Variants in GRK3 observed in about 807,000 individuals in gnomAD.
The protein encoded by GRK3 is G protein-coupled receptor kinase 3, also known as adrenergic, beta, receptor kinase 2.
Under a neutral mutation model 95.7 loss-of-function variants are expected in GRK3, and 54 were observed. The ratio of observed to expected loss-of-function variants is 0.56; its 90% confidence interval spans 0.45 to 0.71. GRK3 has a LOEUF of 0.71. Ranked by LOEUF, GRK3 falls within the 30% of genes least tolerant of loss-of-function variation. GRK3 has a pLI of 0.00. For synonymous variants in GRK3, 281 were observed against 290.8 expected (o/e 0.97, Z 0.34); for missense variants, 649 against 851.2 (o/e 0.76, Z 2.96).
chr22:25,565,195 C>A (rs749197630), intron 1 of GRK3, 42 bp downstream of exon 1: 8 of 1,142,988 alleles, frequency 7.0e-6, no homozygotes, highest in Non-Finnish European at 8.4e-6. Flanking sequence ...AGCCGCCGCC[C>A]CCTGCGGCCG....
At chr22:25,574,676 A>G (rs1005642174) in intron 1 of GRK3, among the ~76,000 whole-genome samples, 1 of 152,228 alleles carries the variant, frequency 6.6e-6, no homozygotes, top group African/African-American at 2.4e-5. Flanking sequence ...TCTATTTAAA[A>G]TGGAACGAAT....
rs1040454597 is a variant in GRK3 at position 25,683,160 on chromosome 22, C to T, written c.748-2010C>T. Among the ~76,000 whole-genome samples the T allele has an allele frequency of 1.3e-4, 20 of 152,356 alleles. No homozygotes were observed. In the East Asian group the frequency reaches 2.3e-3, roughly 18 times the overall value. ...AATAATAGATGACAGAGATTATATG[C>T]GGCCTGCAAGGCCTAAAATATTTAC... On this transcript the variant is annotated intron_variant, in intron 9 of 20. Transcript: ENST00000324198.
In GRK3 at chr22:25,679,546, C is replaced by T. The variant is rs142399868; in HGVS notation, c.747+631C>T. On this transcript the variant is annotated intron_variant, in intron 9 of 20. Transcript: ENST00000324198. ...TCTTCTTTACTTACTAAATAGCTGC[C>T]CATTCCAATTTCTTTTTCTGTTAAT... Among the ~76,000 whole-genome samples the T allele has an allele frequency of 1.6e-3, 238 of 152,316 alleles. 1 individual carries two copies. The highest frequency in any genetic ancestry group is 5.7e-3 in the African/African-American group (236 of 41,556).
chr22:25,627,403 C>A (rs1160716624), intron 2 of GRK3, among the ~76,000 whole-genome samples: 1 of 151,988 alleles, frequency 6.6e-6, no homozygotes, highest in Non-Finnish European at 1.5e-5. Context: ...TACCTTCCAC[C>A]TTTTCCCTGT....
chr22:25,591,405 C>A (rs1932484048), intron 1 of GRK3, among the ~76,000 whole-genome samples: 1 of 152,096 alleles, frequency 6.6e-6, no homozygotes, highest in South Asian at 2.1e-4. Flanking sequence ...GGCTTGATTG[C>A]AGAAAGCTTT....
At chr22:25,698,593 G>A (rs1569201067) in intron 13 of GRK3, among the ~76,000 whole-genome samples, 1 of 152,198 alleles carries the variant, frequency 6.6e-6, no homozygotes, top group Non-Finnish European at 1.5e-5. Context: ...GGAGTGCTGA[G>A]GGAGAAGTCT....
chr22:25,621,621 C>T (rs1459737269), intron 2 of GRK3, among the ~76,000 whole-genome samples: 1 of 152,194 alleles, frequency 6.6e-6, no homozygotes, highest in Non-Finnish European at 1.5e-5. Flanking sequence ...TAGTCTTATA[C>T]TTGGCCTGAT....
intron 14 of GRK3, 139 bp downstream of exon 14, chr22:25,703,715 T>C (rs1030822284): frequency 1.6e-6 from 1 of 616,716 alleles, no homozygotes; most frequent in African/African-American, 1.8e-5. Context: ...TTTGCTTTCT[T>C]GAAACAAATA....
intron 2 of GRK3, among the ~76,000 whole-genome samples, chr22:25,637,170 T>C (rs144350810): frequency 2.1e-5 from 3 of 140,182 alleles, no homozygotes; most frequent in Admixed American, 6.6e-5. Flanking sequence ...GACTCCAGGA[T>C]TGATACTAGC....
intron 2 of GRK3, among the ~76,000 whole-genome samples, chr22:25,609,565 T>C (rs914092841): frequency 4.6e-5 from 7 of 152,036 alleles, no homozygotes; most frequent in South Asian, 2.1e-4. Context: ...CTCCTGACCT[T>C]GTGATCTGCC....
At position 25,709,906 on chromosome 22, in the gene GRK3, A is replaced by T. The variant is rs1241705421; in HGVS notation, c.1337A>T (p.Glu446Val). The stretch of plus-strand genomic sequence containing the variant: ...GACTCTTTCTCCTCCAGCTCACAGG[A>T]AGTAAAAGAGCACAGCTTTTTCAAA... The part of the protein sequence containing the change: ...RLGCHGGGSQ[E>V]VKEHSFFKGV... The change falls in exon 16 of 21, where the codon GAA (glutamate) becomes GTA (valine). Residue 446 changes from glutamate to valine, a missense_variant. Around this residue, in one of 3 missense-constraint regions of GRK3, gnomAD observed 382 missense variants for 493.8 expected, o/e 0.77. Transcript: ENST00000324198. 1 of 1,613,246 alleles carries T rather than the reference A, an allele frequency of 6.2e-7. No individual in the cohort carries two copies. The highest frequency in any genetic ancestry group is 8.5e-7 in the Non-Finnish European group (1 of 1,179,290).
In GRK3 at chr22:25,728,026, T is replaced by C. The variant is rs2085488223; in HGVS notation, c.*5576T>C. On this transcript the variant is annotated 3_prime_UTR_variant, in exon 21 of 21. Coordinates refer to ENST00000324198, the MANE Select transcript of GRK3 (RefSeq NM_005160.4). ...AGTTCTATTTTAGCACAAAGGCATTTTATATTATTTATTGAATCCATAAGT... is the reference window on the plus strand; with the variant it reads ...AGTTCTATTTTAGCACAAAGGCATTCTATATTATTTATTGAATCCATAAGT... The C allele has an allele frequency of 6.6e-6, 1 of 152,208 alleles. No homozygotes were observed. Among genetic ancestry groups the C allele is most frequent in the Non-Finnish European group, 1.5e-5 (1 of 68,034 alleles). 9.4% of individuals were successfully genotyped at this position (152,208 alleles called of 1,614,324 possible).
intron 2 of GRK3, among the ~76,000 whole-genome samples, chr22:25,620,136 G>A (rs951147433): frequency 5.9e-5 from 9 of 151,424 alleles, no homozygotes. Context: ...ACAGAGGGAG[G>A]GGCGCTTCAA....
intron 9 of GRK3, among the ~76,000 whole-genome samples, chr22:25,679,678 G>T (rs554220202): frequency 1.3e-5 from 2 of 152,316 alleles, no homozygotes; most frequent in South Asian, 4.1e-4. Flanking sequence ...GTTACAGCGT[G>T]TGTGCACTGG....
At chr22:25,599,609 A>G (rs1442167712) in intron 1 of GRK3, among the ~76,000 whole-genome samples, 1 of 151,570 alleles carries the variant, frequency 6.6e-6, no homozygotes, top group African/African-American at 2.4e-5. Flanking sequence ...AAAAAAAAGA[A>G]AAGAAAAAAG....
In GRK3 at chr22:25,649,646, T is replaced by C. The variant is rs769175096; in HGVS notation, c.264+4981T>C. The stretch of plus-strand genomic sequence containing the variant: ...CATAATAAAATCTAAAATTAAAGAA[T>C]ATCATGGGACCAAATAATTCCATTC... On this transcript the variant is annotated intron_variant, in intron 3 of 20. Coordinates refer to ENST00000324198, the MANE Select transcript of GRK3 (RefSeq NM_005160.4). 1.6e-4 allele frequency among the ~76,000 whole-genome samples: 25 copies of C among 152,322 alleles called. No homozygotes were observed. In the East Asian group the frequency reaches 1.9e-3, roughly 12 times the overall value.
chr22:25,652,202 A>G (rs2084836537), intron 3 of GRK3, among the ~76,000 whole-genome samples: 1 of 152,176 alleles, frequency 6.6e-6, no homozygotes, highest in South Asian at 2.1e-4. Context: ...TGGGAGGCCA[A>G]GGCAGGCGGA....
At chr22:25,587,333 T>A (rs761643723) in intron 1 of GRK3, among the ~76,000 whole-genome samples, 13 of 152,340 alleles carry the variant, frequency 8.5e-5, no homozygotes, top group South Asian at 4.1e-4. Context: ...GCCACAGCCA[T>A]AGAACATAGT....
At chr22:25,671,957 T>C (rs1429174405) in intron 6 of GRK3, among the ~76,000 whole-genome samples, 2 of 152,216 alleles carry the variant, frequency 1.3e-5, no homozygotes, top group African/African-American at 4.8e-5. Flanking sequence ...TCATATTGAT[T>C]TCATGTTGAA....
Sources: gnomAD v4.1 joint callset for allele counts (sites outside exome capture counted in the v4.1 genomes callset) on GRCh38, gnomAD v4.1.1 for gene constraint, gnomAD v4.1.1 regional missense constraint, MANE v1.5 for transcripts, NCBI Gene and HGNC (gene_info 2026-07-23, HGNC 2026-07-21) for gene names.